Variants in PLXNA4 observed in about 807,000 individuals in gnomAD.
The protein encoded by PLXNA4 is plexin A4.
PLXNA4 carries 44 observed loss-of-function variants against 191.8 expected under a neutral mutation model. That is an observed-to-expected ratio of 0.23 (90% CI 0.18 to 0.29). The LOEUF is 0.29. PLXNA4 is among the 10% of genes least tolerant of loss of function. PLXNA4 has a pLI of 1.00. For missense variants in PLXNA4, 1,800 were observed against 2,488.8 expected (o/e 0.72, Z 5.89); for synonymous variants, 1,082 against 1,009.5 (o/e 1.07, Z -1.36).
chr7:132,611,257 C>T (rs181734551), intron 2 of PLXNA4, among the ~76,000 whole-genome samples: 11 of 152,270 alleles, frequency 7.2e-5, no homozygotes, highest in Non-Finnish European at 1.3e-4. Flanking sequence ...ACATCTGCTC[C>T]CCAGAAGATC....
chr7:132,374,119 T>G (rs1804560651), intron 3 of PLXNA4, among the ~76,000 whole-genome samples: 1 of 152,186 alleles, frequency 6.6e-6, no homozygotes, highest in Non-Finnish European at 1.5e-5. Flanking sequence ...TTGGCTCCCG[T>G]TCATTCCCAT....
intron 3 of PLXNA4, among the ~76,000 whole-genome samples, chr7:132,428,790 C>T (rs770436636): frequency 2.6e-5 from 4 of 152,146 alleles, no homozygotes; most frequent in Admixed American, 6.5e-5. Flanking sequence ...GTTTAGGAAA[C>T]AGCTCTGAGA....
At chr7:132,586,387 G>A (rs1426497832) in intron 2 of PLXNA4, among the ~76,000 whole-genome samples, 4 of 152,194 alleles carry the variant, frequency 2.6e-5, no homozygotes, top group African/African-American at 4.8e-5. Flanking sequence ...GGGCATTTTG[G>A]TGTTGTCTTG....
rs554698569 is a variant in PLXNA4 at position 132,516,782 on chromosome 7, AC to A, written c.-86-8004del. On this transcript the variant is annotated intron_variant, in intron 1 of 31. Coordinates refer to ENST00000321063, the MANE Select transcript of PLXNA4 (RefSeq NM_020911.2). ...AGACCAGCCTAGCCAATATAGTGAA[AC>A]CCTGTCTCTACTAAAAAACAATTAG... Among the ~76,000 whole-genome samples the A allele has an allele frequency of 5.1e-3, 770 of 152,174 alleles. 3 individuals are homozygous for A. The highest frequency in any genetic ancestry group is 0.041 in the Middle Eastern group (12 of 294).
intron 3 of PLXNA4, among the ~76,000 whole-genome samples, chr7:132,311,537 ATTC>A (rs1407839636): frequency 1.3e-5 from 2 of 152,164 alleles, no homozygotes; most frequent in African/African-American, 4.8e-5. Flanking sequence ...CTCAGCAACA[ATTC>A]TTCTAAAAGT....
intron 6 of PLXNA4, 22 bp downstream of exon 6, chr7:132,228,324 C>G: frequency 6.2e-7 from 1 of 1,613,722 alleles, no homozygotes; most frequent in Non-Finnish European, 8.5e-7. Flanking sequence ...CTGGACCCCA[C>G]CCCAACCCCC....
At chr7:132,504,829 CA>C (rs1230001131) in intron 2 of PLXNA4, among the ~76,000 whole-genome samples, 1 of 152,176 alleles carries the variant, frequency 6.6e-6, no homozygotes, top group East Asian at 1.9e-4. Context: ...ACAAGAAAAC[CA>C]ACCCAACAGC....
At chr7:132,563,003 T>C (rs1277864462) in intron 1 of PLXNA4, among the ~76,000 whole-genome samples, 179 of 22,658 alleles carry the variant, frequency 7.9e-3, no homozygotes, top group Admixed American at 0.012. Context: ...TCCTCCTCCT[T>C]CTCCTCCTCT....
intron 3 of PLXNA4, among the ~76,000 whole-genome samples, chr7:132,328,898 C>G (rs866180182): frequency 5.9e-5 from 9 of 152,208 alleles, no homozygotes; most frequent in Non-Finnish European, 7.3e-5. Flanking sequence ...CTTCTCAAGA[C>G]TCAGCCACCA....
At chr7:132,340,128 A>G (rs1802969036) in intron 3 of PLXNA4, among the ~76,000 whole-genome samples, 1 of 152,176 alleles carries the variant, frequency 6.6e-6, no homozygotes, top group African/African-American at 2.4e-5. Context: ...CCAGTCCCTG[A>G]GGGAGTCTGT....
intron 3 of PLXNA4, among the ~76,000 whole-genome samples, chr7:132,375,266 C>T (rs746926370): frequency 2.1e-5 from 3 of 144,924 alleles, no homozygotes; most frequent in Admixed American, 7.0e-5. Flanking sequence ...TTGGTCCTTC[C>T]CCTTAACTCC....
chr7:132,288,989 G>A (rs545828266), intron 4 of PLXNA4, among the ~76,000 whole-genome samples: 1 of 152,294 alleles, frequency 6.6e-6, no homozygotes, highest in Admixed American at 6.5e-5. Context: ...GGTCCCTGGT[G>A]GAGGCAACAT....
chr7:132,437,324 C>T (rs1795509524), intron 3 of PLXNA4, among the ~76,000 whole-genome samples: 1 of 152,200 alleles, frequency 6.6e-6, no homozygotes, highest in Admixed American at 6.5e-5. Flanking sequence ...GTCCTAAGTG[C>T]AACCCCTTAA....
chr7:132,310,084 C>A (rs1182629710), intron 3 of PLXNA4, among the ~76,000 whole-genome samples: 2 of 152,024 alleles, frequency 1.3e-5, no homozygotes, highest in East Asian at 1.9e-4. Context: ...GCTGTGCAGG[C>A]AACCAAGCTC....
At chr7:132,243,446 T>A (rs1798947636) in intron 4 of PLXNA4, among the ~76,000 whole-genome samples, 1 of 152,210 alleles carries the variant, frequency 6.6e-6, no homozygotes, top group African/African-American at 2.4e-5. Flanking sequence ...CCACATCAAG[T>A]CAAGAGCCAG....
chr7:132,226,350 C>T lies in PLXNA4; in HGVS notation c.1883-90G>A, dbSNP rs547780828. The stretch of plus-strand genomic sequence containing the variant: ...AGTGACACCTGCTGGAAAAGGGAGC[C>T]TGCTCCCCAGGCGGCTGTTGGCTTA... On this transcript the variant is annotated intron_variant, in intron 7 of 31. Transcript: ENST00000321063. 5 of 1,148,666 alleles carry T rather than the reference C, an allele frequency of 4.4e-6. No homozygotes were observed. In the South Asian group the frequency reaches 5.4e-5, roughly 12 times the overall value. The allele number at this position is 1,148,666 out of a possible 1,614,324, so 71.2% of individuals were successfully genotyped here.
chr7:132,579,446 T>C (rs1021245585), upstream of PLXNA4, among the ~76,000 whole-genome samples: 10 of 151,846 alleles, frequency 6.6e-5, no homozygotes, highest in Admixed American at 5.9e-4. Context: ...TGCGTGTGTG[T>C]GTGTGTGTGC....
intron 3 of PLXNA4, among the ~76,000 whole-genome samples, chr7:132,369,473 G>T (rs1563061158): frequency 6.6e-6 from 1 of 152,128 alleles, no homozygotes; most frequent in Non-Finnish European, 1.5e-5. Flanking sequence ...TCCAAGGAGG[G>T]CAGACTAATG....
intron 3 of PLXNA4, among the ~76,000 whole-genome samples, chr7:132,456,004 C>A (rs1233702939): frequency 6.6e-6 from 1 of 152,188 alleles, no homozygotes; most frequent in African/African-American, 2.4e-5. Context: ...GTCTCTGGCC[C>A]TGATGGGCCT....
Sources: allele counts gnomAD v4.1 joint callset (sites outside exome capture counted in the v4.1 genomes callset), GRCh38; gene constraint gnomAD v4.1.1; transcripts MANE v1.5; gene names NCBI Gene and HGNC (gene_info 2026-07-23, HGNC 2026-07-21).